TNS3: variants seen among roughly 807,000 people sequenced by gnomAD.
TNS3 encodes tensin 3, also known as tensin-3.
In TNS3, 45 loss-of-function variants were observed where a neutral mutation model predicts 140.9. The ratio of observed to expected loss-of-function variants is 0.32; its 90% confidence interval spans 0.25 to 0.41. TNS3 has a LOEUF of 0.41. Among genes scored for constraint, TNS3 ranks in the 10% least tolerant of loss-of-function variants. TNS3 has a pLI of 1.00. For synonymous variants in TNS3, 815 were observed against 788.4 expected (o/e 1.03, Z -0.56); for missense variants, 1,716 against 1,906.7 (o/e 0.90, Z 1.86).
At chr7:47,510,672 G>A (rs1376320661) in intron 2 of TNS3, among the ~76,000 whole-genome samples, 3 of 152,018 alleles carry the variant, frequency 2.0e-5, no homozygotes, top group South Asian at 4.2e-4. Flanking sequence ...TCAGGAGTTT[G>A]AGACTAGCCT....
At chr7:47,457,998 A>G (rs1370206532) in intron 4 of TNS3, among the ~76,000 whole-genome samples, 1 of 152,238 alleles carries the variant, frequency 6.6e-6, no homozygotes, top group African/African-American at 2.4e-5. Flanking sequence ...AGTCTGAGGC[A>G]CCAAAAAAAG....
intron 2 of TNS3, among the ~76,000 whole-genome samples, chr7:47,509,562 A>T (rs1798535501): frequency 6.6e-6 from 1 of 151,744 alleles, no homozygotes; most frequent in Non-Finnish European, 1.5e-5. Flanking sequence ...TGAAGGTGGG[A>T]CTCCAGCCCG....
At chr7:47,397,014 G>C in intron 15 of TNS3, 110 bp from the exon 16 acceptor site, 1 of 749,118 alleles carries the variant, frequency 1.3e-6, no homozygotes, top group Non-Finnish European at 2.3e-6. Flanking sequence ...GGAGAGAGAA[G>C]CCTCTCCATC....
rs1011089931 is a variant in TNS3 at position 47,407,025 on chromosome 7, G to A, written c.723+4702C>T. Among the ~76,000 whole-genome samples, 1 of 152,118 alleles carries A rather than the reference G, an allele frequency of 6.6e-6. No individual in the cohort carries two copies. ...CAGAACACCCAGAAGAAGCATGAAC[G>A]GGAGGAGGGGATGGCTCCCGCTCCT... On this transcript the variant is annotated intron_variant, in intron 13 of 30. Transcript: ENST00000311160. The surrounding 1 kb of genome is among the most constrained non-coding windows in gnomAD (Gnocchi z 4.1).
rs559050548 is a variant in TNS3, at chr7:47,330,796, T to C, written c.2650+13959A>G. Among the ~76,000 whole-genome samples, 14 of 151,864 alleles carry C rather than the reference T, an allele frequency of 9.2e-5. No homozygotes were observed. The East Asian group carries it at 2.7e-3, about 29-fold the overall frequency. On this transcript the variant is annotated intron_variant, in intron 20 of 30. Transcript: ENST00000311160. ...GGGAAGGGATGAGCAAGTTTAAAGG[T>C]CTCGCAGCCTCCATAGGGGGCACGT...
intron 27 of TNS3, among the ~76,000 whole-genome samples, chr7:47,284,587 T>C (rs1209103917): frequency 2.6e-5 from 4 of 152,224 alleles, no homozygotes; most frequent in South Asian, 2.1e-4. Flanking sequence ...ATGGGTGAAA[T>C]TGAGGTGTTC....
At chr7:47,342,958 G>A (rs1789104169) in intron 20 of TNS3, among the ~76,000 whole-genome samples, 1 of 152,210 alleles carries the variant, frequency 6.6e-6, no homozygotes, top group South Asian at 2.1e-4. Context: ...TGTGCTCCTT[G>A]TGGGCTAATG....
chr7:47,452,500 C>T (rs1328556652), intron 4 of TNS3, among the ~76,000 whole-genome samples: 1 of 152,192 alleles, frequency 6.6e-6, no homozygotes, highest in Admixed American at 6.5e-5. Flanking sequence ...CTATGAGAAA[C>T]AACAGACTAA....
At chr7:47,356,923 C>A (rs114839861) in intron 17 of TNS3, among the ~76,000 whole-genome samples, 89 of 131,766 alleles carry the variant, frequency 6.8e-4, no homozygotes, top group South Asian at 7.6e-4. Context: ...CAGAAAAATA[C>A]AAAAAAAAAA....
At chr7:47,530,838 A>AAAAAAAAAAATATATATATAT in intron 1 of TNS3, among the ~76,000 whole-genome samples, 1 of 54,562 alleles carries the variant, frequency 1.8e-5, no homozygotes, top group African/African-American at 7.9e-5. Flanking sequence ...AAAAAAAAAA[A>AAAAAAAAAAATATATATATAT]ATATATATAT....
intron 17 of TNS3, among the ~76,000 whole-genome samples, chr7:47,358,756 A>T (rs1330009471): frequency 6.6e-6 from 1 of 152,192 alleles, no homozygotes; most frequent in Admixed American, 6.5e-5. Context: ...ATGTTGCTTT[A>T]TGTCCCTGAG....
At chr7:47,547,164 G>A (rs1799943887) in intron 1 of TNS3, among the ~76,000 whole-genome samples, 1 of 152,248 alleles carries the variant, frequency 6.6e-6, no homozygotes, top group Admixed American at 6.5e-5. Context: ...TGAGGAGGGA[G>A]GGAGGCAGTG....
intron 1 of TNS3, among the ~76,000 whole-genome samples, chr7:47,541,958 A>G (rs1799800438): frequency 6.6e-6 from 1 of 151,788 alleles, no homozygotes; most frequent in African/African-American, 2.4e-5. Flanking sequence ...CAAAAAAAAA[A>G]AAGCAAATGA....
At chr7:47,378,886 C>T (rs977696771) in intron 16 of TNS3, among the ~76,000 whole-genome samples, 1 of 152,186 alleles carries the variant, frequency 6.6e-6, no homozygotes, top group Non-Finnish European at 1.5e-5. Context: ...GCCATGGCAC[C>T]GGCGCTGGAC....
intron 17 of TNS3, among the ~76,000 whole-genome samples, chr7:47,349,225 T>C (rs756210760): frequency 5.3e-5 from 8 of 152,098 alleles, no homozygotes; most frequent in Non-Finnish European, 7.4e-5. Context: ...AAAATCAATC[T>C]TCATTTAAAA....
At chr7:47,451,869 C>T (rs1796031128) in intron 4 of TNS3, among the ~76,000 whole-genome samples, 1 of 152,210 alleles carries the variant, frequency 6.6e-6, no homozygotes, top group South Asian at 2.1e-4. Flanking sequence ...GATTCCTCCA[C>T]CACCCAGCAC....
chr7:47,414,225 A>C (rs1384800566), intron 11 of TNS3, among the ~76,000 whole-genome samples: 1 of 152,120 alleles, frequency 6.6e-6, no homozygotes, highest in Non-Finnish European at 1.5e-5. Context: ...AAGGGTGCCA[A>C]AGGCTCCTGA....
intron 10 of TNS3, among the ~76,000 whole-genome samples, chr7:47,421,219 TTTAATA>T (rs2151460111): frequency 6.6e-6 from 1 of 152,250 alleles, no homozygotes; most frequent in South Asian, 2.1e-4. Flanking sequence ...CGTTAATAAT[TTTAATA>T]TTATTTCCAT....
intron 16 of TNS3, among the ~76,000 whole-genome samples, chr7:47,389,109 CAGAAGAAGAAGAAGA>C (rs140799405): frequency 5.1e-5 from 3 of 59,078 alleles, no homozygotes; most frequent in Admixed American, 1.7e-4. Flanking sequence ...GAAGCGGAAG[CAGAAGAAGAAGAAGA>C]AGAAGAAGAA....
Sources: allele counts gnomAD v4.1 joint callset (sites outside exome capture counted in the v4.1 genomes callset), GRCh38; gene constraint gnomAD v4.1.1; non-coding constraint Gnocchi (gnomAD v3.1); transcripts MANE v1.5; gene names NCBI Gene and HGNC (gene_info 2026-07-23, HGNC 2026-07-21).